Variants in WDR64 observed in about 807,000 individuals in gnomAD.
WDR64 encodes the protein WD repeat-containing protein 64.
In WDR64, 112 loss-of-function variants were observed where a neutral mutation model predicts 139.3. The ratio of observed to expected loss-of-function variants is 0.80; its 90% CI spans 0.69 to 0.94. WDR64 has a LOEUF of 0.94. WDR64 is among the 40% of genes least tolerant of loss of function. The pLI, the probability that WDR64 is intolerant of heterozygous loss-of-function variation, is 0.00. For missense variants in WDR64, 1,206 were observed against 1,293.1 expected, an observed-to-expected ratio of 0.93 and a Z score of 1.03; for synonymous variants, 444 against 437.7, an observed-to-expected ratio of 1.01 and a Z score of -0.18.
At chr1:241,668,649 A>C (rs1030554186) in intron 2 of WDR64, among the ~76,000 whole-genome samples, 3 of 144,720 alleles carry the variant, frequency 2.1e-5, no homozygotes, top group Non-Finnish European at 1.5e-5. Context: ...GGTGGCTCAC[A>C]CCTGTAATCC....
chr1:241,658,110 ATG>A (rs1407221683), intron 1 of WDR64, among the ~76,000 whole-genome samples: 2 of 152,202 alleles, frequency 1.3e-5, no homozygotes, highest in African/African-American at 4.8e-5. Flanking sequence ...TCTAAGCCCA[ATG>A]TCTGGCTCAG....
intron 20 of WDR64, among the ~76,000 whole-genome samples, chr1:241,774,856 T>TATATA (rs980041652): frequency 6.6e-6 from 1 of 152,184 alleles, no homozygotes; most frequent in African/African-American, 2.4e-5. Flanking sequence ...TGTAGAACAG[T>TATATA]ATATAATACT....
chr1:241,705,559 A>AAATAAATAAATAAT (rs376010669), intron 8 of WDR64, among the ~76,000 whole-genome samples: 26 of 136,652 alleles, frequency 1.9e-4, no homozygotes, highest in African/African-American at 3.8e-4. Flanking sequence ...ATAAATAAAT[A>AAATAAATAAATAAT]AATAATAATA....
intron 7 of WDR64, among the ~76,000 whole-genome samples, chr1:241,686,455 A>C (rs1020114072): frequency 6.6e-6 from 1 of 152,192 alleles, no homozygotes; most frequent in Non-Finnish European, 1.5e-5. Context: ...TGAGCTGTAA[A>C]CATTTCTATT....
chr1:241,706,060 T>C (rs1037126247), intron 8 of WDR64, among the ~76,000 whole-genome samples: 3 of 152,260 alleles, frequency 2.0e-5, no homozygotes, highest in African/African-American at 7.2e-5. Context: ...AAATTTAGTA[T>C]GTTTTCATGG....
At chr1:241,770,796 T>G in intron 18 of WDR64, 106 bp downstream of exon 18, 3 of 1,014,988 alleles carry the variant, frequency 3.0e-6, no homozygotes, top group East Asian at 2.9e-5. Flanking sequence ...AAGGTAACAG[T>G]GGAAGAATTC....
chr1:241,746,111 G>C (rs899933862), intron 13 of WDR64, among the ~76,000 whole-genome samples: 1 of 152,196 alleles, frequency 6.6e-6, no homozygotes, highest in Admixed American at 6.5e-5. Context: ...TGGGTATATA[G>C]GGAGTATTTA....
Position 241,683,703 on chromosome 1 carries a change from T to G in WDR64, c.839+2T>G. 1 of 1,544,140 alleles carries G rather than the reference T, an allele frequency of 6.5e-7. No individual in the cohort carries two copies. Among genetic ancestry groups the G allele is most frequent in the Middle Eastern group, 1.7e-4 (1 of 5,882 alleles). ...CTTAGACTCAAAGAACTTTAAAAGGTAAGAGTATCATACAGTTAATTTAAT... is the reference window on the plus strand; with the variant it reads ...CTTAGACTCAAAGAACTTTAAAAGGGAAGAGTATCATACAGTTAATTTAAT... On this transcript the variant is annotated splice_donor_variant, in intron 7 of 27. Transcript: ENST00000437684. LOFTEE classifies it high-confidence loss of function.
chr1:241,663,805 A>T (rs936895663), intron 2 of WDR64, among the ~76,000 whole-genome samples: 2 of 152,288 alleles, frequency 1.3e-5, no homozygotes, highest in Admixed American at 1.3e-4. Flanking sequence ...TACAGGACAG[A>T]TTACAGAATA....
At chr1:241,735,441 C>T (rs989245075) in intron 10 of WDR64, among the ~76,000 whole-genome samples, 75 of 151,436 alleles carry the variant, frequency 5.0e-4, no homozygotes, top group African/African-American at 1.7e-3. Flanking sequence ...CTTCCAACTC[C>T]GAAGTTCTTG....
chr1:241,677,076 C>T (rs1364554326), intron 4 of WDR64, among the ~76,000 whole-genome samples: 1 of 151,588 alleles, frequency 6.6e-6, no homozygotes, highest in South Asian at 2.1e-4. Context: ...ATCTGAAGTA[C>T]AATAAATATA....
chr1:241,787,494 G>A lies in WDR64; in HGVS notation c.2706-355G>A, dbSNP rs149996152. 3.0e-3 allele frequency among the ~76,000 whole-genome samples: 452 copies of A among 151,644 alleles called. 1 individual carries two copies. The highest frequency in any genetic ancestry group is 0.011 in the African/African-American group (442 of 41,324). The stretch of plus-strand genomic sequence containing the variant: ...AGCCTGGCCAAAGTGGTGAAACCCC[G>A]TCTCTACTAAAAATACAAGAATTAG... On this transcript the variant is annotated intron_variant, in intron 23 of 27. Transcript: ENST00000437684.
At chr1:241,750,383 C>T (rs1251147784) in intron 14 of WDR64, among the ~76,000 whole-genome samples, 2 of 152,102 alleles carry the variant, frequency 1.3e-5, no homozygotes, top group Admixed American at 1.3e-4. Context: ...AAAGAAAAGT[C>T]TTGTATAGCA....
chr1:241,689,244 C>G lies in WDR64; in HGVS notation c.974+1649C>G, dbSNP rs541321893. On this transcript the variant is annotated intron_variant, in intron 8 of 27. Transcript: ENST00000437684. ...TTCCCTTTACCCAGTAAATCATGTC[C>G]AGCTATCAAGAAAAAAATTACAAGG... is the stretch of plus-strand genomic sequence containing the variant. 5.9e-4 allele frequency among the ~76,000 whole-genome samples: 89 copies of G among 152,042 alleles called. No individual in the cohort carries two copies. The Middle Eastern group carries it at 0.014, about 23-fold the overall frequency.
At chr1:241,744,597 T>C in intron 13 of WDR64, 81 bp downstream of exon 13, 8 of 1,568,818 alleles carry the variant, frequency 5.1e-6, no homozygotes, top group Non-Finnish European at 6.9e-6. Flanking sequence ...TTCTTTAGGG[T>C]AGAAGGAGAG....
rs146059395 is a variant in WDR64, at chr1:241,756,169, C to T, written c.1771-1114C>T. On this transcript the variant is annotated intron_variant, in intron 14 of 27. Transcript: ENST00000437684. Reference sequence around the variant, plus strand: ...ATTTTGGTTAGTATGGCCATTTTCACGATATTGATCTTCCTATCCATGAGC... The same window carrying T: ...ATTTTGGTTAGTATGGCCATTTTCATGATATTGATCTTCCTATCCATGAGC... 4.9e-4 allele frequency among the ~76,000 whole-genome samples: 74 copies of T among 152,204 alleles called. 1 individual carries two copies. Among genetic ancestry groups the T allele is most frequent in the East Asian group, 3.9e-4 (2 of 5,186 alleles).
At chr1:241,773,880 G>C (rs775212897) in intron 20 of WDR64, among the ~76,000 whole-genome samples, 7 of 152,148 alleles carry the variant, frequency 4.6e-5, no homozygotes, top group Non-Finnish European at 7.4e-5. Context: ...AATATTAAAG[G>C]ATATTAATGG....
intron 2 of WDR64, among the ~76,000 whole-genome samples, chr1:241,669,100 C>T (rs1666128624): frequency 6.6e-6 from 1 of 152,122 alleles, no homozygotes; most frequent in African/African-American, 2.4e-5. Flanking sequence ...CTGATGCCAT[C>T]CATTATGTCA....
chr1:241,696,962 T>C (rs1415727684), intron 8 of WDR64, among the ~76,000 whole-genome samples: 1 of 152,206 alleles, frequency 6.6e-6, no homozygotes, highest in African/African-American at 2.4e-5. Context: ...TCTGACACCT[T>C]GATCTCTTCA....
Sources: allele counts gnomAD v4.1 joint callset (sites outside exome capture counted in the v4.1 genomes callset), GRCh38; gene constraint gnomAD v4.1.1; transcripts MANE v1.5; gene names NCBI Gene and HGNC (gene_info 2026-07-23, HGNC 2026-07-21).